Variants in ARB2A observed in about 807,000 individuals in gnomAD.
The protein encoded by ARB2A is cotranscriptional regulator ARB2A.
the ARB2A span, among the ~76,000 whole-genome samples, chr5:93,865,113 T>G: frequency 2.0e-5 from 3 of 152,208 alleles, no homozygotes; most frequent in Non-Finnish European, 4.4e-5. Context: ...AGACGGAGTC[T>G]CTCTGTCGCC....
chr5:94,045,880 T>A, the ARB2A span, among the ~76,000 whole-genome samples: 1 of 152,188 alleles, frequency 6.6e-6, no homozygotes, highest in African/African-American at 2.4e-5. Context: ...ATCTTTAACG[T>A]TGTCTTAAAT....
chr5:94,101,045 T>C, the ARB2A span, among the ~76,000 whole-genome samples: 13 of 151,828 alleles, frequency 8.6e-5, no homozygotes, highest in African/African-American at 2.7e-4. Context: ...AGATGCATAG[T>C]TGGCAAAAAT....
At chr5:93,664,228 G>T in the ARB2A span, among the ~76,000 whole-genome samples, 1 of 151,926 alleles carries the variant, frequency 6.6e-6, no homozygotes, top group African/African-American at 2.4e-5. Context: ...CTACAGGTGC[G>T]TGCCACCATG....
chr5:93,902,957 C>A, the ARB2A span, among the ~76,000 whole-genome samples: 1 of 152,074 alleles, frequency 6.6e-6, no homozygotes, highest in Non-Finnish European at 1.5e-5. Context: ...GCTGGCCAAG[C>A]AAGAGCTTTT....
At chr5:94,011,868 T>C in the ARB2A span, among the ~76,000 whole-genome samples, 1 of 132,868 alleles carries the variant, frequency 7.5e-6, no homozygotes, top group South Asian at 2.3e-4. Flanking sequence ...CCAAAGGAAA[T>C]TGGACAGAGT....
the ARB2A span, among the ~76,000 whole-genome samples, chr5:93,897,626 G>T: frequency 6.6e-6 from 1 of 151,752 alleles, no homozygotes; most frequent in Admixed American, 6.6e-5. Flanking sequence ...AGGAAAATAA[G>T]ATTAATTATA....
At chr5:93,699,502 C>A in the ARB2A span, among the ~76,000 whole-genome samples, 2 of 152,218 alleles carry the variant, frequency 1.3e-5, no homozygotes, top group East Asian at 3.9e-4. Flanking sequence ...AGGAGCAGCT[C>A]TTTGGAATCC....
the ARB2A span, chr5:93,737,974 C>T: frequency 3.3e-5 from 14 of 429,834 alleles, no homozygotes; most frequent in Non-Finnish European, 5.9e-5. Flanking sequence ...ATAAGCTGGA[C>T]TTAATAAAAA....
chr5:93,834,451 T>C, the ARB2A span, among the ~76,000 whole-genome samples: 1 of 152,134 alleles, frequency 6.6e-6, no homozygotes, highest in East Asian at 1.9e-4. Context: ...AAACAAAATA[T>C]AAGGGAGATA....
chr5:93,955,451 A>C, the ARB2A span, among the ~76,000 whole-genome samples: 1 of 152,228 alleles, frequency 6.6e-6, no homozygotes, highest in Non-Finnish European at 1.5e-5. Flanking sequence ...TAATAGCAAG[A>C]ATATTATAAT....
At chr5:93,897,537 A>G in the ARB2A span, among the ~76,000 whole-genome samples, 3 of 152,134 alleles carry the variant, frequency 2.0e-5, no homozygotes, top group East Asian at 1.9e-4. Context: ...GTCATTTGCT[A>G]AAGTACTTTA....
the ARB2A span, among the ~76,000 whole-genome samples, chr5:93,656,241 T>G: frequency 6.6e-6 from 1 of 152,212 alleles, no homozygotes; most frequent in South Asian, 2.1e-4. Flanking sequence ...TACACTGTTA[T>G]GAAAAATTTT....
At chr5:93,772,112 A>G in the ARB2A span, among the ~76,000 whole-genome samples, 1 of 152,228 alleles carries the variant, frequency 6.6e-6, no homozygotes, top group African/African-American at 2.4e-5. Context: ...TACACCATGG[A>G]ATACTATGCA....
chr5:93,683,165 T>A, the ARB2A span: 3 of 1,367,532 alleles, frequency 2.2e-6, no homozygotes, highest in African/African-American at 4.3e-5. Context: ...TTCTTCAGCT[T>A]CCTCATCATC....
chr5:94,047,960 C>T, the ARB2A span, among the ~76,000 whole-genome samples: 70 of 151,728 alleles, frequency 4.6e-4, no homozygotes, highest in Middle Eastern at 6.9e-3. Context: ...ACAAAAACCA[C>T]AAGCTCTTTT....
chr5:93,960,033 A>G, the ARB2A span, among the ~76,000 whole-genome samples: 2 of 147,268 alleles, frequency 1.4e-5, no homozygotes, highest in Non-Finnish European at 3.0e-5. Context: ...TGTCAACTGT[A>G]TATGTTCATA....
At chr5:93,750,997 A>T in the ARB2A span, among the ~76,000 whole-genome samples, 8 of 152,198 alleles carry the variant, frequency 5.3e-5, no homozygotes, top group Non-Finnish European at 8.8e-5. Context: ...CTTTCTTAAA[A>T]CTTCTGAAAT....
At chr5:93,666,503 CT>C in the ARB2A span, among the ~76,000 whole-genome samples, 2,898 of 139,284 alleles carry the variant, frequency 0.021, 49 homozygotes, top group African/African-American at 0.05. Context: ...GTGCTATATC[CT>C]TTTTTTTTTT....
chr5:94,074,528 T>C, the ARB2A span: 2 of 702,190 alleles, frequency 2.8e-6, no homozygotes, highest in Non-Finnish European at 4.6e-6. Flanking sequence ...TAATTGCAAA[T>C]ACTTTAGGTA....
Sources: gnomAD v4.1 joint callset for allele counts (sites outside exome capture counted in the v4.1 genomes callset) on GRCh38, gnomAD v4.1.1 for gene constraint, MANE v1.5 for transcripts, NCBI Gene and HGNC (gene_info 2026-07-23, HGNC 2026-07-21) for gene names.